The following MTFR1 variants were observed in gnomAD, a reference collection of about 807,000 sequenced individuals.
MTFR1 encodes chondrocyte protein with a poly-proline region.
Under a neutral mutation model 38.8 loss-of-function variants are expected in MTFR1, and 28 were observed. That is an observed-to-expected ratio of 0.72 (90% CI 0.53 to 0.99). The LOEUF (loss-of-function observed/expected upper bound fraction) is 0.99. Ranked by LOEUF, MTFR1 falls within the 50% of genes least tolerant of loss-of-function variation. The probability of loss-of-function intolerance (pLI) is 0.00; values close to 1 mark genes in which losing one functional copy is unlikely to be tolerated. For synonymous variants in MTFR1, 145 were observed against 137.0 expected (o/e 1.06, Z -0.41); for missense variants, 358 against 395.5 (o/e 0.91, Z 0.81).
intron 3 of MTFR1, among the ~76,000 whole-genome samples, chr8:65,736,775 G>A (rs1045728467): frequency 3.6e-5 from 5 of 137,376 alleles, no homozygotes; most frequent in Middle Eastern, 3.8e-3. Flanking sequence ...AAAGCCCTAT[G>A]TAATAAATTT....
chr8:65,724,627 T>G lies in MTFR1; in HGVS notation c.*48+5146T>G, dbSNP rs1381141776. On this transcript the variant is annotated intron_variant, in intron 3 of 3. Transcript: ENST00000521247. ...GTAGCAGATTCACCAGTGATCTCCT[T>G]TTGGAAGGAGTGTGCGCTAATTGAA... 4.5e-6 allele frequency: 3 copies of G among 673,234 alleles called. No homozygotes were observed. In the African/African-American group the frequency reaches 5.5e-5, roughly 12 times the overall value. 41.7% of individuals were successfully genotyped at this position (673,234 alleles called of 1,614,324 possible).
chr8:65,713,458 AC>A (rs1806012422), downstream of MTFR1, among the ~76,000 whole-genome samples: 4 of 150,210 alleles, frequency 2.7e-5, no homozygotes, highest in Admixed American at 6.6e-5. Context: ...ACACACACAC[AC>A]ACACACACAC....
intron 2 of MTFR1, among the ~76,000 whole-genome samples, chr8:65,674,181 C>T (rs572857518): frequency 1.3e-5 from 2 of 152,274 alleles, no homozygotes; most frequent in African/African-American, 2.4e-5. Context: ...GATCCACCCA[C>T]GTTGGCCTCC....
chr8:65,730,094 CTTGGAAGCAGTA>C (rs1447555148), intron 3 of MTFR1, among the ~76,000 whole-genome samples: 1 of 149,876 alleles, frequency 6.7e-6, no homozygotes, highest in Non-Finnish European at 1.5e-5. Context: ...TGAGCTCTGC[CTTGGAAGCAGTA>C]GCTTCTCATA....
At chr8:65,669,010 A>T (rs1283962017) in intron 1 of MTFR1, among the ~76,000 whole-genome samples, 1 of 152,200 alleles carries the variant, frequency 6.6e-6, no homozygotes, top group Non-Finnish European at 1.5e-5. Flanking sequence ...GTGCTAGTGA[A>T]TATTAAAAGA....
At chr8:65,761,609 C>T (rs1196817962) in intron 3 of MTFR1, among the ~76,000 whole-genome samples, 1 of 152,190 alleles carries the variant, frequency 6.6e-6, no homozygotes, top group Non-Finnish European at 1.5e-5. Context: ...TTTGCTGGCT[C>T]TTTTCTAAAA....
rs887138239 is a variant in MTFR1 at position 65,700,545 on chromosome 8, C to A, written c.282-4149C>A. Among the ~76,000 whole-genome samples the A allele has an allele frequency of 2.6e-5, 4 of 152,032 alleles. No individual in the cohort carries two copies. The East Asian group carries it at 7.7e-4, about 29-fold the overall frequency. On this transcript the variant is annotated intron_variant, in intron 4 of 7. Coordinates refer to ENST00000262146, the MANE Select transcript of MTFR1 (RefSeq NM_014637.4). ...TCATTTCCTTTTTAACTAACAGAAGCATTGACATCCTGATAACTGATAATC... is the reference window on the plus strand; with the variant it reads ...TCATTTCCTTTTTAACTAACAGAAGAATTGACATCCTGATAACTGATAATC...
intron 2 of MTFR1, among the ~76,000 whole-genome samples, chr8:65,677,409 G>A (rs141841737): frequency 0.018 from 2,602 of 143,758 alleles, 25 homozygotes; most frequent in African/African-American, 0.026. Flanking sequence ...TTTTGAGACG[G>A]AGTCTTGCTC....
chr8:65,682,422 CT>C lies in MTFR1; in HGVS notation c.137del (p.Leu46ArgfsTer37). 6.4e-7 allele frequency: 1 copy of C among 1,561,682 alleles called. No homozygotes were observed. Among genetic ancestry groups the C allele is most frequent in the Non-Finnish European group, 8.7e-7 (1 of 1,152,184 alleles). On this transcript the variant is annotated frameshift_variant, in exon 3 of 8. Coordinates refer to ENST00000262146, the MANE Select transcript of MTFR1 (RefSeq NM_014637.4). LOFTEE classifies it high-confidence loss of function. ...IVRKIGTNLS[L>X]IQCPRVQFQI... ...AAGGAAAATTGGTACTAATTTGTCT[CT>C]GATTCAGTGTCCAAGAGTTCAGTTT...
intron 3 of MTFR1, among the ~76,000 whole-genome samples, chr8:65,749,104 A>C (rs1563486278): frequency 6.6e-6 from 1 of 152,212 alleles, no homozygotes. Context: ...TATCTTGAAG[A>C]GGCGGGAAGC....
rs774624419 is a variant in MTFR1, at chr8:65,704,762, A to G, written c.350A>G (p.Gln117Arg). The G allele has an allele frequency of 6.2e-7, 1 of 1,614,160 alleles. No individual in the cohort carries two copies. Among genetic ancestry groups the G allele is most frequent in the South Asian group, 1.1e-5 (1 of 91,084 alleles). The change falls in exon 5 of 8, where the codon CAG becomes CGG. Residue 117 changes from glutamine (Q) to arginine (R), a missense_variant. Transcript: ENST00000262146. Reference sequence around the variant, plus strand: ...TTCTTTGAGAAGGCCCCAAGCAGACAGATTTCCTTACCAGACTTGTCTCAA... The same window carrying G: ...TTCTTTGAGAAGGCCCCAAGCAGACGGATTTCCTTACCAGACTTGTCTCAA... ...LLFFEKAPSRQISLPDLSQEE... is the reference protein window; with the variant it reads ...LLFFEKAPSRRISLPDLSQEE...
chr8:65,749,825 A>C (rs1175955586), intron 3 of MTFR1, among the ~76,000 whole-genome samples: 1 of 152,220 alleles, frequency 6.6e-6, no homozygotes, highest in East Asian at 1.9e-4. Flanking sequence ...TTATATTTCT[A>C]CAGTATTGTT....
chr8:65,734,024 C>T (rs559026960), intron 3 of MTFR1, among the ~76,000 whole-genome samples: 2 of 152,290 alleles, frequency 1.3e-5, no homozygotes, highest in East Asian at 1.9e-4. Context: ...CAAATCCATA[C>T]ATTAAGTCTG....
chr8:65,697,292 G>A (rs1805475826), intron 4 of MTFR1, among the ~76,000 whole-genome samples: 1 of 152,158 alleles, frequency 6.6e-6, no homozygotes, highest in Admixed American at 6.6e-5. Context: ...GCCAAACAAA[G>A]GTGTCTCTCC....
chr8:65,752,074 T>C (rs748868161), intron 3 of MTFR1, among the ~76,000 whole-genome samples: 6 of 152,238 alleles, frequency 3.9e-5, no homozygotes, highest in Admixed American at 6.5e-5. Flanking sequence ...AATATGCTTA[T>C]ATTTCTACTA....
chr8:65,707,094 T>C lies in MTFR1; in HGVS notation c.602T>C (p.Leu201Pro), dbSNP rs1167369793. ...CCCCTGCCTCCCCCTGCACTGGGGC[T>C]CCACCAAAGTACATCTGCTGTTGAT... ...PPPLPPPALG[L>P]HQSTSAVDLI... Residue 201 changes from leucine (L) to proline (P), a missense_variant, in exon 6 of 8, where the codon CTC becomes CCC. Physicochemically the swap from Leu to Pro is moderately conservative, Grantham distance 98. Coordinates refer to ENST00000262146, the MANE Select transcript of MTFR1 (RefSeq NM_014637.4). 1 of 1,529,468 alleles carries C rather than the reference T, an allele frequency of 6.5e-7. No individual in the cohort carries two copies. The highest frequency in any genetic ancestry group is 1.1e-5 in the South Asian group (1 of 90,126). 94.7% of individuals were successfully genotyped at this position (1,529,468 alleles called of 1,614,324 possible). A position where few individuals can be genotyped will look rare whatever the true frequency, so the allele number is the denominator to read the frequency against.
intron 3 of MTFR1, chr8:65,723,109 G>GT (rs1421443614): frequency 2.0e-5 from 3 of 153,766 alleles, no homozygotes; most frequent in African/African-American, 7.2e-5. Context: ...ACAGGCAGTG[G>GT]TAAGAGTCTG....
intron 3 of MTFR1, chr8:65,734,836 C>T (rs763637723): frequency 4.6e-5 from 74 of 1,612,132 alleles, no homozygotes; most frequent in South Asian, 1.5e-4. Context: ...GAGTAACATC[C>T]GCAGCGTGGA....
chr8:65,684,442 A>G (rs1413245023), intron 3 of MTFR1, among the ~76,000 whole-genome samples: 1 of 151,448 alleles, frequency 6.6e-6, no homozygotes, highest in East Asian at 2.0e-4. Flanking sequence ...CTGGAGTGCA[A>G]TGGCACAATC....
Sources: gnomAD v4.1 joint callset for allele counts (sites outside exome capture counted in the v4.1 genomes callset) on GRCh38, gnomAD v4.1.1 for gene constraint, MANE v1.5 for transcripts, NCBI Gene and HGNC (gene_info 2026-07-23, HGNC 2026-07-21) for gene names.